Variants in GABRB1 observed in about 807,000 individuals in gnomAD.
GABRB1 encodes the protein gamma-aminobutyric acid type A receptor subunit beta1.
A neutral mutation model predicts 51.6 loss-of-function variants in GABRB1; 17 were observed. The ratio of observed to expected loss-of-function variants is 0.33; its 90% CI spans 0.23 to 0.49. GABRB1 has a LOEUF of 0.49. GABRB1 is among the 20% of genes least tolerant of loss of function. The pLI is 0.99. For synonymous variants in GABRB1, 247 were observed against 218.9 expected (o/e 1.13, Z -1.14); for missense variants, 410 against 600.6 (o/e 0.68, Z 3.32).
At chr4:47,248,638 A>T (rs1471722068) in intron 4 of GABRB1, among the ~76,000 whole-genome samples, 3 of 151,528 alleles carry the variant, frequency 2.0e-5, no homozygotes, top group Admixed American at 2.0e-4. Context: ...CTGGTCCTAG[A>T]CTTTTTTTTT....
intron 5 of GABRB1, among the ~76,000 whole-genome samples, chr4:47,333,303 G>GA: frequency 6.7e-6 from 1 of 149,726 alleles, no homozygotes; most frequent in East Asian, 2.0e-4. Flanking sequence ...ATGGAAAGGG[G>GA]AGTTATCTAT....
intron 3 of GABRB1, among the ~76,000 whole-genome samples, chr4:47,038,090 G>T (rs758341136): frequency 1.6e-4 from 25 of 152,056 alleles, no homozygotes; most frequent in Non-Finnish European, 2.1e-4. Flanking sequence ...AGATATTAAA[G>T]ATTTTAGACT....
intron 4 of GABRB1, among the ~76,000 whole-genome samples, chr4:47,304,582 C>T (rs576348440): frequency 1.1e-4 from 17 of 151,774 alleles, no homozygotes; most frequent in Non-Finnish European, 1.2e-4. Context: ...CATAGGCTGT[C>T]TATTATCTCT....
chr4:47,229,502 G>A (rs954402617), intron 4 of GABRB1, among the ~76,000 whole-genome samples: 8 of 152,222 alleles, frequency 5.3e-5, no homozygotes, highest in Admixed American at 2.6e-4. Context: ...TAACCATGGC[G>A]TCTATGGTCA....
chr4:47,155,627 T>G (rs1054168749), intron 3 of GABRB1, among the ~76,000 whole-genome samples: 8 of 151,930 alleles, frequency 5.3e-5, no homozygotes, highest in Non-Finnish European at 1.2e-4. Flanking sequence ...TGATGTCTTC[T>G]TAGATCTCAT....
At chr4:47,369,349 G>A (rs919658300) in intron 5 of GABRB1, among the ~76,000 whole-genome samples, 15 of 151,494 alleles carry the variant, frequency 9.9e-5, no homozygotes, top group African/African-American at 3.4e-4. Context: ...ATGAAGAGTT[G>A]GACTTATTTA....
At chr4:47,416,745 C>A (rs966647134) in intron 8 of GABRB1, among the ~76,000 whole-genome samples, 1 of 152,078 alleles carries the variant, frequency 6.6e-6, no homozygotes, top group African/African-American at 2.4e-5. Flanking sequence ...AGCCACTGCA[C>A]CCAGCCTGTT....
chr4:47,126,986 T>C (rs1470638060), intron 3 of GABRB1, among the ~76,000 whole-genome samples: 1 of 151,964 alleles, frequency 6.6e-6, no homozygotes, highest in Non-Finnish European at 1.5e-5. Flanking sequence ...GTACTAAAAA[T>C]GTTTTCTATG....
chr4:47,378,761 C>T (rs1265789840), intron 5 of GABRB1, among the ~76,000 whole-genome samples: 1 of 152,118 alleles, frequency 6.6e-6, no homozygotes, highest in Non-Finnish European at 1.5e-5. Flanking sequence ...GCTAGGATTA[C>T]AGGCGTGAGC....
chr4:47,364,853 G>GAA (rs35258609), intron 5 of GABRB1, among the ~76,000 whole-genome samples: 95 of 151,544 alleles, frequency 6.3e-4, no homozygotes, highest in African/African-American at 2.1e-3. Flanking sequence ...AAATGGAATA[G>GAA]AAAAAAAAGA....
At chr4:47,345,968 C>T (rs1726073101) in intron 5 of GABRB1, among the ~76,000 whole-genome samples, 1 of 151,598 alleles carries the variant, frequency 6.6e-6, no homozygotes, top group South Asian at 2.1e-4. Context: ...CACATGAGGC[C>T]ACAAACCTAC....
chr4:47,263,699 T>C lies in GABRB1; in HGVS notation c.462-56428T>C, dbSNP rs532733632. Among the ~76,000 whole-genome samples the C allele has an allele frequency of 4.4e-4, 67 of 152,218 alleles. 1 individual carries two copies. In the South Asian group the frequency reaches 0.012, roughly 28 times the overall value. On this transcript the variant is annotated intron_variant, in intron 4 of 8. Transcript: ENST00000295454. Reference sequence around the variant, plus strand: ...GAGGGAAACAACAGCAGGGAGGGAATATCAATAAATACTTTGTAGGTTAGA... The same window carrying C: ...GAGGGAAACAACAGCAGGGAGGGAACATCAATAAATACTTTGTAGGTTAGA...
chr4:47,159,686 A>G (rs1227536803), intron 3 of GABRB1, among the ~76,000 whole-genome samples: 2 of 152,084 alleles, frequency 1.3e-5, no homozygotes. Context: ...AATATGGTTA[A>G]AAGACCCTGG....
chr4:47,141,309 T>C lies in GABRB1; in HGVS notation c.241-19940T>C, dbSNP rs141017795. ...CTTTATAAAGGTCAGCTTCTTGGTC[T>C]ACATGACAAGTAGCTTATGCACATG... On this transcript the variant is annotated intron_variant, in intron 3 of 8. Transcript: ENST00000295454. Among the ~76,000 whole-genome samples, 298 of 152,068 alleles carry C rather than the reference T, an allele frequency of 2.0e-3. 1 individual carries two copies. Among genetic ancestry groups the C allele is most frequent in the African/African-American group, 6.7e-3 (278 of 41,548 alleles).
chr4:47,216,417 G>A (rs1013495632), intron 4 of GABRB1, among the ~76,000 whole-genome samples: 6 of 151,882 alleles, frequency 4.0e-5, no homozygotes, highest in Admixed American at 2.0e-4. Context: ...CTGATATTAA[G>A]CAGTTGTCTC....
chr4:47,385,049 TA>T (rs1184357703), intron 5 of GABRB1, among the ~76,000 whole-genome samples: 1 of 152,178 alleles, frequency 6.6e-6, no homozygotes, highest in Non-Finnish European at 1.5e-5. Context: ...CGGAGAATAT[TA>T]ACACGAAAGA....
chr4:47,295,955 A>G (rs913562716), intron 4 of GABRB1, among the ~76,000 whole-genome samples: 8 of 152,158 alleles, frequency 5.3e-5, no homozygotes, highest in Non-Finnish European at 1.0e-4. Context: ...GCCAATATTC[A>G]ACATTCTTAA....
intron 8 of GABRB1, among the ~76,000 whole-genome samples, chr4:47,409,100 G>A (rs549044478): frequency 1.3e-5 from 2 of 152,290 alleles, no homozygotes; most frequent in African/African-American, 4.8e-5. Flanking sequence ...GCATGCAGAC[G>A]GGCAGGTGTG....
At chr4:47,185,106 T>C (rs1050049569) in intron 4 of GABRB1, among the ~76,000 whole-genome samples, 2 of 151,934 alleles carry the variant, frequency 1.3e-5, no homozygotes, top group African/African-American at 4.8e-5. Flanking sequence ...AAGAATGTTC[T>C]GCTTGCATCT....
Sources: gnomAD v4.1 joint callset for allele counts (sites outside exome capture counted in the v4.1 genomes callset) on GRCh38, gnomAD v4.1.1 for gene constraint, MANE v1.5 for transcripts, NCBI Gene and HGNC (gene_info 2026-07-23, HGNC 2026-07-21) for gene names.